Variants in HECTD4 observed in about 807,000 individuals in gnomAD.
The protein encoded by HECTD4 is probable E3 ubiquitin-protein ligase HECTD4.
In HECTD4, 114 loss-of-function variants were observed where a neutral mutation model predicts 471.5. The ratio of observed to expected loss-of-function variants is 0.24; its 90% CI spans 0.21 to 0.28. The LOEUF is 0.28. Among genes scored for constraint, HECTD4 ranks in the 10% least tolerant of loss-of-function variants. HECTD4 has a pLI of 1.00. For synonymous variants in HECTD4, 2,012 were observed against 2,256.0 expected, an observed-to-expected ratio of 0.89 and a Z score of 3.07; for missense variants, 3,866 against 5,651.5, an observed-to-expected ratio of 0.68 and a Z score of 10.13.
In HECTD4 at chr12:112,382,330, C is replaced by CCCGGCCCT. The variant is rs2036913446; in HGVS notation, c.-203_-202insAGGGCCGG. ...CCGGCCCGGGAGACCCCGGCCCTGC[C>CCCGGCCCT]GCCGCCGCCGCCGCCGCCGCCGCCG... On this transcript the variant is annotated 5_prime_UTR_variant, in exon 1 of 76. Coordinates refer to ENST00000682272, the MANE Select transcript of HECTD4 (RefSeq NM_001388303.1). 2 of 239,618 alleles carry CCCGGCCCT rather than the reference C, an allele frequency of 8.3e-6. No individual in the cohort carries two copies. The highest frequency in any genetic ancestry group is 1.6e-4 in the South Asian group (2 of 12,312). The allele number at this position is 239,618 out of a possible 1,614,324, so 14.8% of individuals were successfully genotyped here. A position where few individuals can be genotyped will look rare whatever the true frequency, so the allele number is the denominator to read the frequency against.
chr12:112,269,756 G>T lies in HECTD4; in HGVS notation c.2269C>A (p.Pro757Thr). The change falls in exon 13 of 76, where the codon CCA becomes ACA. Residue 757 changes from proline (P) to threonine (T), a missense_variant. Physicochemically the swap from Pro to Thr is conservative, Grantham distance 38. Coordinates refer to ENST00000682272, the MANE Select transcript of HECTD4 (RefSeq NM_001388303.1). ...ATTTCAGGGCAAATTTGATCTTTTG[G>T]AGCCATCAACAACTGCCAAAGAAGC... ...GLLLWQLLMA[P>T]KDQICPEIQK... 6.2e-7 allele frequency: 1 copy of T among 1,613,926 alleles called. No individual in the cohort carries two copies. The highest frequency in any genetic ancestry group is 8.5e-7 in the Non-Finnish European group (1 of 1,179,872).
At position 112,163,118 on chromosome 12, in the gene HECTD4, G is replaced by C. The variant is rs1212886602; in HGVS notation, c.13044C>G (p.Pro4348=). ...CNQERIPFTC[P]CKDGGPDTAH... ...CAGTGTCGGGACCCCCATCTTTGCA[G>C]GGGCAGGTGAACGGGATGCGCTCCT... The change falls in exon 75 of 76, where the codon CCC becomes CCG. Residue 4348 remains proline, a synonymous_variant. Transcript: ENST00000682272. The surrounding 1 kb of genome is among the most constrained non-coding windows in gnomAD (Gnocchi z 8.2). 1 of 1,614,022 alleles carries C rather than the reference G, an allele frequency of 6.2e-7. No homozygotes were observed. Among genetic ancestry groups the C allele is most frequent in the Non-Finnish European group, 8.5e-7 (1 of 1,179,882 alleles).
rs2030645739 is a variant in HECTD4, at chr12:112,160,243, CAG to C, written c.*2142_*2143del. The C allele has an allele frequency of 6.6e-6, 1 of 152,180 alleles. No homozygotes were observed. The highest frequency in any genetic ancestry group is 2.1e-4 in the South Asian group (1 of 4,826). 9.4% of individuals were successfully genotyped at this position (152,180 alleles called of 1,614,324 possible). ...TAGCCACTTGGCAGCACTTAAATAT[CAG>C]AGCCATCCAAGCATGCCAGCCTTTG... On this transcript the variant is annotated 3_prime_UTR_variant, in exon 76 of 76. Coordinates refer to ENST00000682272, the MANE Select transcript of HECTD4 (RefSeq NM_001388303.1).
At chr12:112,283,449 T>A in intron 7 of HECTD4, 147 bp from the exon 8 acceptor site, 1 of 598,524 alleles carries the variant, frequency 1.7e-6, no homozygotes, top group Non-Finnish European at 2.9e-6. Flanking sequence ...AAATGTGCTA[T>A]AGAAACTACT....
chr12:112,214,658 C>T (rs2032862570), intron 48 of HECTD4, among the ~76,000 whole-genome samples: 1 of 152,160 alleles, frequency 6.6e-6, no homozygotes, highest in African/African-American at 2.4e-5. Context: ...ACAACAAATA[C>T]AGCAACAAGG....
chr12:112,273,843 G>A lies in HECTD4; in HGVS notation c.1802-48C>T, dbSNP rs377679761. 1.5e-4 allele frequency: 239 copies of A among 1,595,696 alleles called. No homozygotes were observed. The African/African-American group carries it at 3.0e-3, about 20-fold the overall frequency. On this transcript the variant is annotated intron_variant, in intron 10 of 75. Coordinates refer to ENST00000682272, the MANE Select transcript of HECTD4 (RefSeq NM_001388303.1). Reference sequence around the variant, plus strand: ...TCAGTCACCATGCCACCAGCTACCTGTATACATATTTCTCACAAGCACTGC... The same window carrying A: ...TCAGTCACCATGCCACCAGCTACCTATATACATATTTCTCACAAGCACTGC...
intron 44 of HECTD4, among the ~76,000 whole-genome samples, chr12:112,224,210 A>G (rs1472474170): frequency 3.3e-5 from 5 of 151,482 alleles, no homozygotes; most frequent in Non-Finnish European, 7.4e-5. Context: ...AAACTTTGCC[A>G]TTTACTTCAA....
chr12:112,164,499 C>T (rs771243748), intron 72 of HECTD4, among the ~76,000 whole-genome samples: 4 of 152,190 alleles, frequency 2.6e-5, no homozygotes, highest in South Asian at 2.1e-4. Flanking sequence ...CCTCTTCCCA[C>T]GTCTGTTTGG....
chr12:112,354,643 G>A (rs1566121987), intron 1 of HECTD4, among the ~76,000 whole-genome samples: 2 of 151,962 alleles, frequency 1.3e-5, no homozygotes, highest in African/African-American at 2.4e-5. Context: ...CCAAGATTGC[G>A]CCATTGCACA....
In HECTD4 at chr12:112,238,733, AT is replaced by A. The variant is rs539324869; in HGVS notation, c.5290+318del. Reference sequence around the variant, plus strand: ...GGGTGACAGACCTTGTGTCTAATAAATTTTTTTTAATTAAAAAAATATATTT... The same window carrying A: ...GGGTGACAGACCTTGTGTCTAATAAATTTTTTTAATTAAAAAAATATATTT... On this transcript the variant is annotated intron_variant, in intron 34 of 75. Coordinates refer to ENST00000682272, the MANE Select transcript of HECTD4 (RefSeq NM_001388303.1). 1.4e-4 allele frequency among the ~76,000 whole-genome samples: 22 copies of A among 152,050 alleles called. No individual in the cohort carries two copies. In the South Asian group the frequency reaches 1.9e-3, roughly 13 times the overall value.
chr12:112,259,440 A>G, intron 18 of HECTD4, among the ~76,000 whole-genome samples, 175 bp from the exon 19 acceptor site: 1 of 151,580 alleles, frequency 6.6e-6, no homozygotes, highest in East Asian at 1.9e-4. Flanking sequence ...ACTGAGGGAG[A>G]GGGGAAGAAC....
At chr12:112,238,117 T>C (rs1047730354) in intron 34 of HECTD4, among the ~76,000 whole-genome samples, 5 of 152,154 alleles carry the variant, frequency 3.3e-5, no homozygotes, top group African/African-American at 1.2e-4. Context: ...TGGCATATAA[T>C]AGACTCTCAA....
At chr12:112,312,628 AT>A (rs1483366446) in intron 4 of HECTD4, among the ~76,000 whole-genome samples, 2 of 152,226 alleles carry the variant, frequency 1.3e-5, no homozygotes, top group Non-Finnish European at 2.9e-5. Flanking sequence ...AGGAGGGCTC[AT>A]TAACACACAC....
chr12:112,168,795 G>A (rs1207787524), intron 70 of HECTD4, among the ~76,000 whole-genome samples: 1 of 152,212 alleles, frequency 6.6e-6, no homozygotes, highest in Non-Finnish European at 1.5e-5. Context: ...GGCACTCTGG[G>A]CAGGTTCGCT....
In HECTD4 at chr12:112,219,374, C is replaced by T. The variant is rs370512506; in HGVS notation, c.7074+12G>A. The T allele has an allele frequency of 1.2e-6, 2 of 1,606,784 alleles. No homozygotes were observed. The highest frequency in any genetic ancestry group is 1.7e-6 in the Non-Finnish European group (2 of 1,174,066). ...AGGCTGCAGGAGGCGCGAAGCACCG[C>T]AGAGGGCTCACCTGTCTTCGGTCAG... On this transcript the variant is annotated intron_variant, in intron 45 of 75. Transcript: ENST00000682272.
chr12:112,340,686 G>A (rs1441226080), intron 1 of HECTD4, among the ~76,000 whole-genome samples: 4 of 152,140 alleles, frequency 2.6e-5, no homozygotes, highest in Non-Finnish European at 5.9e-5. Flanking sequence ...TAGAGTGTGT[G>A]CAGTAAGGCT....
In HECTD4 at chr12:112,363,941, G is replaced by A. The variant is rs983691684; in HGVS notation, c.177+18011C>T. 5.3e-5 allele frequency among the ~76,000 whole-genome samples: 7 copies of A among 132,404 alleles called. 1 individual carries two copies. In the South Asian group the frequency reaches 7.2e-4, roughly 14 times the overall value. 86.9% of individuals were successfully genotyped at this position (132,404 alleles called of 152,430 possible). ...CAGTGAGCAGAGGTTGCAGTAAGCC[G>A]AGATCGTACCCCTGCACTCCAGCCT... is the stretch of plus-strand genomic sequence containing the variant. On this transcript the variant is annotated intron_variant, in intron 1 of 75. Coordinates refer to ENST00000682272, the MANE Select transcript of HECTD4 (RefSeq NM_001388303.1).
At chr12:112,369,691 C>G (rs572935999) in intron 1 of HECTD4, among the ~76,000 whole-genome samples, 1 of 151,896 alleles carries the variant, frequency 6.6e-6, no homozygotes, top group Non-Finnish European at 1.5e-5. Context: ...AGAGGGTGTG[C>G]GGAAAAGAGG....
chr12:112,217,217 A>G (rs748262553), intron 45 of HECTD4, 22 bp from the exon 46 acceptor site: 4 of 1,488,396 alleles, frequency 2.7e-6, no homozygotes, highest in South Asian at 1.5e-5. Flanking sequence ...AGAAAAACCC[A>G]TATTCAGTAG....
Sources: allele counts gnomAD v4.1 joint callset (sites outside exome capture counted in the v4.1 genomes callset), GRCh38; gene constraint gnomAD v4.1.1; non-coding constraint Gnocchi (gnomAD v3.1); transcripts MANE v1.5; gene names NCBI Gene and HGNC (gene_info 2026-07-23, HGNC 2026-07-21).